Variants in LYST observed in about 807,000 individuals in gnomAD.
LYST encodes the protein lysosomal trafficking regulator.
In LYST, 192 loss-of-function variants were observed where a neutral mutation model predicts 413.6. That is an observed-to-expected ratio of 0.46 (90% CI 0.41 to 0.52). The LOEUF is 0.52. LYST is among the 20% of genes least tolerant of loss of function. LYST has a pLI of 0.00. For synonymous variants in LYST, 1,525 were observed against 1,567.3 expected (o/e 0.97, Z 0.64); for missense variants, 3,815 against 4,499.9 (o/e 0.85, Z 4.35).
At chr1:235,876,542 T>C (rs1312413993) in intron 1 of LYST, among the ~76,000 whole-genome samples, 1 of 152,238 alleles carries the variant, frequency 6.6e-6, no homozygotes, top group African/African-American at 2.4e-5. Flanking sequence ...CTATGATCTG[T>C]AGCCACATGG....
chr1:235,881,819 G>A (rs1286898107), intron 1 of LYST, among the ~76,000 whole-genome samples: 2 of 151,998 alleles, frequency 1.3e-5, no homozygotes, highest in Non-Finnish European at 2.9e-5. Context: ...AGCCAAATTC[G>A]CACAGACAGG....
intron 14 of LYST, among the ~76,000 whole-genome samples, chr1:235,783,328 CCTT>C (rs1424303956): frequency 6.6e-6 from 1 of 151,472 alleles, no homozygotes; most frequent in Non-Finnish European, 1.5e-5. Flanking sequence ...ACATACTTCT[CCTT>C]GACCAAATAA....
chr1:235,872,466 A>AG (rs1227217677), intron 1 of LYST, among the ~76,000 whole-genome samples: 1 of 152,116 alleles, frequency 6.6e-6, no homozygotes, highest in Non-Finnish European at 1.5e-5. Context: ...TAATAGACCG[A>AG]GGGGGGATCC....
intron 34 of LYST, among the ~76,000 whole-genome samples, chr1:235,732,005 G>C (rs1326716942): frequency 2.6e-5 from 4 of 151,022 alleles, no homozygotes; most frequent in Non-Finnish European, 5.9e-5. Context: ...AAATAAATAA[G>C]AGAAAAAAAT....
chr1:235,804,437 T>C, intron 7 of LYST, 67 bp downstream of exon 7: 2 of 1,245,016 alleles, frequency 1.6e-6, no homozygotes, highest in Non-Finnish European at 2.4e-6. Context: ...AGCGTCCTAG[T>C]GTCATCCCAC....
Position 235,733,636 on chromosome 1 carries a change from T to TA in LYST, c.8667dup (p.Ile2890TyrfsTer12). 1 of 1,613,868 alleles carries TA rather than the reference T, an allele frequency of 6.2e-7. No homozygotes were observed. The highest frequency in any genetic ancestry group is 8.5e-7 in the Non-Finnish European group (1 of 1,179,810). On this transcript the variant is annotated frameshift_variant, in exon 34 of 53. Coordinates refer to ENST00000389793, the MANE Select transcript of LYST (RefSeq NM_000081.4). LOFTEE classifies it high-confidence loss of function. ...TGGGAGAGAGACACTGCCTGGGTGA[T>TA]ATCTGCAGCTATTTTAGATATATCC... is the stretch of plus-strand genomic sequence containing the variant.
chr1:235,790,404 G>A lies in LYST; in HGVS notation c.4543+1295C>T, dbSNP rs558141704. Among the ~76,000 whole-genome samples, 7 of 152,330 alleles carry A rather than the reference G, an allele frequency of 4.6e-5. No homozygotes were observed. In the South Asian group the frequency reaches 1.2e-3, roughly 27 times the overall value. Reference sequence around the variant, plus strand: ...TTACTAACTTGTTAAGATTAAAAATGTATATAGAACCAGCTGAGCAAAGTG... The same window carrying A: ...TTACTAACTTGTTAAGATTAAAAATATATATAGAACCAGCTGAGCAAAGTG... On this transcript the variant is annotated intron_variant, in intron 12 of 52. Transcript: ENST00000389793.
chr1:235,758,991 G>C lies in LYST; in HGVS notation c.6862C>G (p.Arg2288Gly). 1 of 1,613,930 alleles carries C rather than the reference G, an allele frequency of 6.2e-7. No individual in the cohort carries two copies. The highest frequency in any genetic ancestry group is 8.5e-7 in the Non-Finnish European group (1 of 1,179,942). The stretch of plus-strand genomic sequence containing the variant: ...AAGTACCTGTGAGCACTTGCAGTTC[G>C]GTTGTAATTTGGCTCATAACCAAGA... ...YSLGYEPNYN[R>G]TASAHSVTED... The change falls in exon 23 of 53, where the codon CGA becomes GGA. Residue 2288 changes from arginine (R) to glycine (G), a missense_variant. Physicochemically the swap from Arg to Gly is moderately radical, Grantham distance 125. Coordinates refer to ENST00000389793, the MANE Select transcript of LYST (RefSeq NM_000081.4).
chr1:235,737,132 T>C (rs914865130), intron 31 of LYST: 1 of 152,148 alleles, frequency 6.6e-6, no homozygotes, highest in East Asian at 1.9e-4. Context: ...TATAATACAG[T>C]ATTTTCACTG....
intron 38 of LYST, 21 bp downstream of exon 38, chr1:235,728,055 C>T (rs766558534): frequency 1.3e-6 from 2 of 1,572,126 alleles, no homozygotes; most frequent in African/African-American, 1.3e-5. Flanking sequence ...TATGTAAATA[C>T]AGACTTAAGC....
At chr1:235,856,932 A>T (rs1405257680) in intron 1 of LYST, among the ~76,000 whole-genome samples, 4 of 143,936 alleles carry the variant, frequency 2.8e-5, no homozygotes, top group African/African-American at 1.1e-4. Flanking sequence ...GTTACACAGG[A>T]TATACTGATT....
intron 11 of LYST, among the ~76,000 whole-genome samples, chr1:235,793,290 A>G (rs1197322356): frequency 6.6e-6 from 1 of 152,226 alleles, no homozygotes; most frequent in Non-Finnish European, 1.5e-5. Context: ...AATCTCAGCG[A>G]TATGTCTGGT....
At chr1:235,860,249 T>C (rs937592155) in intron 1 of LYST, among the ~76,000 whole-genome samples, 9 of 152,194 alleles carry the variant, frequency 5.9e-5, no homozygotes, top group African/African-American at 1.9e-4. Context: ...AGAGTTTCCA[T>C]GTACACCCTG....
chr1:235,740,318 G>GT (rs962680034), intron 31 of LYST, among the ~76,000 whole-genome samples: 1 of 152,044 alleles, frequency 6.6e-6, no homozygotes, highest in Non-Finnish European at 1.5e-5. Context: ...GTTTCTATGA[G>GT]TTTTGACAAT....
chr1:235,686,244 G>A lies in LYST; in HGVS notation c.10800+705C>T, dbSNP rs907382989. 6.6e-6 allele frequency among the ~76,000 whole-genome samples: 1 copy of A among 152,158 alleles called. No individual in the cohort carries two copies. Among genetic ancestry groups the A allele is most frequent in the Non-Finnish European group, 1.5e-5 (1 of 68,012 alleles). On this transcript the variant is annotated intron_variant, in intron 48 of 52. Coordinates refer to ENST00000389793, the MANE Select transcript of LYST (RefSeq NM_000081.4). This position sits in a 1 kb window ranked among gnomAD's most constrained non-coding sequence, Gnocchi z 4.0. ...TGGCCGGGCGTGGTGGCACATGCCT[G>A]TGGTCCCAGCTACTCGAGAGGCTGA...
Position 235,695,119 on chromosome 1 carries a change from C to T in LYST, c.10565-1633G>A, listed in dbSNP as rs552491042. On this transcript the variant is annotated intron_variant, in intron 46 of 52. Coordinates refer to ENST00000389793, the MANE Select transcript of LYST (RefSeq NM_000081.4). Reference sequence around the variant, plus strand: ...GTATGTAGTAAACACTGACCTCTCCCAGACCCTAGGGTATTTACAGGCCAA... The same window carrying T: ...GTATGTAGTAAACACTGACCTCTCCTAGACCCTAGGGTATTTACAGGCCAA... 9.8e-5 allele frequency among the ~76,000 whole-genome samples: 15 copies of T among 152,324 alleles called. No individual in the cohort carries two copies. In the South Asian group the frequency reaches 3.1e-3, roughly 32 times the overall value.
intron 9 of LYST, 38 bp from the exon 10 acceptor site, chr1:235,800,424 C>T: frequency 8.8e-7 from 1 of 1,131,138 alleles, no homozygotes; most frequent in Non-Finnish European, 1.3e-6. Context: ...AATTACTTAC[C>T]TCACAGAAGC....
At chr1:235,871,716 G>A (rs146341184), upstream of LYST, among the ~76,000 whole-genome samples, 1 of 152,192 alleles carries the variant, frequency 6.6e-6, no homozygotes, top group Non-Finnish European at 1.5e-5. Context: ...CTCTGTAATT[G>A]AGTAGTCTCT....
intron 43 of LYST, among the ~76,000 whole-genome samples, chr1:235,710,513 C>A (rs1230727522): frequency 6.6e-6 from 1 of 152,062 alleles, no homozygotes; most frequent in Non-Finnish European, 1.5e-5. Flanking sequence ...GACTCCTGAC[C>A]CAAAGCAGAC....
Sources: gnomAD v4.1 joint callset for allele counts (sites outside exome capture counted in the v4.1 genomes callset) on GRCh38, gnomAD v4.1.1 for gene constraint, Gnocchi (gnomAD v3.1) non-coding constraint, MANE v1.5 for transcripts, NCBI Gene and HGNC (gene_info 2026-07-23, HGNC 2026-07-21) for gene names.